Variants in VPS13B observed in about 807,000 individuals in gnomAD.
The protein encoded by VPS13B is vacuolar protein sorting 13 homolog B.
VPS13B carries 285 observed loss-of-function variants against 426.4 expected under a neutral mutation model. That is an observed-to-expected ratio of 0.67 (90% CI 0.61 to 0.74). The LOEUF (loss-of-function observed/expected upper bound fraction) is 0.74, where lower values mean the gene tolerates loss of function less well. Among genes scored for constraint, VPS13B ranks in the 30% least tolerant of loss-of-function variants. The pLI is 0.00. For missense variants in VPS13B, 4,537 were observed against 4,782.6 expected, an observed-to-expected ratio of 0.95 and a Z score of 1.51; for synonymous variants, 1,676 against 1,676.4, an observed-to-expected ratio of 1.00 and a Z score of 0.01.
intron 36 of VPS13B, among the ~76,000 whole-genome samples, chr8:99,706,450 A>G (rs1373872986): frequency 6.6e-6 from 1 of 152,178 alleles, no homozygotes; most frequent in African/African-American, 2.4e-5. Flanking sequence ...CAAAGGAATT[A>G]ATTGTGTAAA....
intron 2 of VPS13B, among the ~76,000 whole-genome samples, chr8:99,029,898 A>C (rs1444786760): frequency 6.6e-6 from 1 of 151,958 alleles, no homozygotes; most frequent in Non-Finnish European, 1.5e-5. Context: ...CTATTTTTAA[A>C]ATTCTCTTTG....
chr8:99,080,629 G>A (rs13275250), intron 3 of VPS13B, among the ~76,000 whole-genome samples: 94,796 of 151,944 alleles, frequency 0.62, 30,571 homozygotes, highest in South Asian at 0.76. Context: ...ATGTGGGGTG[G>A]AGGTAATTTC....
chr8:99,425,833 T>G lies in VPS13B; in HGVS notation c.3083-5704T>G, dbSNP rs566304245. On this transcript the variant is annotated intron_variant, in intron 21 of 61. Coordinates refer to ENST00000357162, the MANE Select transcript of VPS13B (RefSeq NM_152564.5). ...ATCTCAGCCCAAAATCTCCTTAAGC[T>G]GATAGGCAACTTCAGCAAAGTCTCA... 3.3e-3 allele frequency among the ~76,000 whole-genome samples: 508 copies of G among 152,344 alleles called. 2 individuals are homozygous for G. Among genetic ancestry groups the G allele is most frequent in the Non-Finnish European group, 5.8e-3 (394 of 68,026 alleles).
At chr8:99,626,478 G>A (rs1456349142) in intron 33 of VPS13B, among the ~76,000 whole-genome samples, 1 of 152,134 alleles carries the variant, frequency 6.6e-6, no homozygotes, top group African/African-American at 2.4e-5. Flanking sequence ...CCTGCTAATG[G>A]GTATGGGGTT....
At chr8:99,482,267 T>A (rs1820080182) in intron 25 of VPS13B, among the ~76,000 whole-genome samples, 1 of 152,140 alleles carries the variant, frequency 6.6e-6, no homozygotes, top group African/African-American at 2.4e-5. Flanking sequence ...TTCTTTTTAT[T>A]TTTAACGTCC....
At chr8:99,800,304 G>C (rs1400282689) in intron 43 of VPS13B, among the ~76,000 whole-genome samples, 1 of 152,052 alleles carries the variant, frequency 6.6e-6, no homozygotes, top group Non-Finnish European at 1.5e-5. Flanking sequence ...CACAATTCTA[G>C]ACTTAAGGCA....
Position 99,717,776 on chromosome 8 carries a change from G to A in VPS13B, c.6657+403G>A, listed in dbSNP as rs963897322. On this transcript the variant is annotated intron_variant, in intron 37 of 61. Transcript: ENST00000357162. ...TAACATTTCGTATAAATAGAATCAT[G>A]TAACCTGTGGTCTTCTGTGACCGAC... Among the ~76,000 whole-genome samples the A allele has an allele frequency of 2.6e-5, 4 of 152,310 alleles. No individual in the cohort carries two copies. The East Asian group carries it at 7.7e-4, about 29-fold the overall frequency.
chr8:99,680,784 A>G (rs1219656646), intron 35 of VPS13B, among the ~76,000 whole-genome samples: 1 of 152,234 alleles, frequency 6.6e-6, no homozygotes, highest in East Asian at 1.9e-4. Flanking sequence ...AATAAAATTT[A>G]TAGTAACAGT....
chr8:99,014,076 G>T, intron 2 of VPS13B, 141 bp downstream of exon 2: 1 of 850,652 alleles, frequency 1.2e-6, no homozygotes, highest in Non-Finnish European at 1.8e-6. Context: ...AAACAAGGGG[G>T]CTTTATTTTA....
intron 3 of VPS13B, among the ~76,000 whole-genome samples, chr8:99,049,843 C>A (rs556461108): frequency 6.6e-6 from 1 of 151,890 alleles, no homozygotes; most frequent in East Asian, 1.9e-4. Context: ...TCCCAGACTT[C>A]TTGGAGGCTT....
intron 6 of VPS13B, among the ~76,000 whole-genome samples, chr8:99,113,026 C>T (rs1343260412): frequency 2.0e-5 from 3 of 150,472 alleles, no homozygotes; most frequent in Non-Finnish European, 4.4e-5. Context: ...TCTTTTTTCT[C>T]CCCTCCTCTC....
intron 19 of VPS13B, among the ~76,000 whole-genome samples, chr8:99,381,543 T>G (rs1813807138): frequency 6.6e-6 from 1 of 152,220 alleles, no homozygotes; most frequent in African/African-American, 2.4e-5. Context: ...GTATTGCCTT[T>G]TCACCACAAT....
chr8:99,754,930 A>C (rs1156916049), intron 39 of VPS13B, among the ~76,000 whole-genome samples: 1 of 152,190 alleles, frequency 6.6e-6, no homozygotes, highest in African/African-American at 2.4e-5. Context: ...TTGTATGTCA[A>C]AAATAATTAG....
At chr8:99,543,339 C>T (rs370762449) in intron 30 of VPS13B, among the ~76,000 whole-genome samples, 2 of 152,014 alleles carry the variant, frequency 1.3e-5, no homozygotes, top group Non-Finnish European at 2.9e-5. Flanking sequence ...TTAAACGTTA[C>T]ACCTAAAACC....
intron 23 of VPS13B, among the ~76,000 whole-genome samples, chr8:99,463,426 C>T (rs1210651491): frequency 6.6e-6 from 1 of 152,108 alleles, no homozygotes; most frequent in African/African-American, 2.4e-5. Flanking sequence ...TCTCTTAATA[C>T]TATTATCATT....
chr8:99,185,038 C>T (rs1000979919), intron 16 of VPS13B, among the ~76,000 whole-genome samples: 8 of 152,108 alleles, frequency 5.3e-5, no homozygotes, highest in Non-Finnish European at 1.0e-4. Context: ...GAAAAAGATA[C>T]TCCGATACAC....
In VPS13B at chr8:99,183,484, CAATG is replaced by C. The variant is rs371356659; in HGVS notation, c.2334-9388_2334-9385del. 6.1e-3 allele frequency among the ~76,000 whole-genome samples: 927 copies of C among 152,226 alleles called. 12 individuals are homozygous for C. The highest frequency in any genetic ancestry group is 0.021 in the African/African-American group (882 of 41,554). ...TCTGCATGGCAGATGTTTGGATAAA[CAATG>C]AATATCTTTTGGTATGTTAGATATT... On this transcript the variant is annotated intron_variant, in intron 16 of 61. Transcript: ENST00000357162.
At chr8:99,565,653 C>G (rs1825141370) in intron 31 of VPS13B, among the ~76,000 whole-genome samples, 1 of 152,032 alleles carries the variant, frequency 6.6e-6, no homozygotes, top group Non-Finnish European at 1.5e-5. Context: ...GCACAGGACC[C>G]CCAGCATAGT....
Position 99,321,733 on chromosome 8 carries a change from G to T in VPS13B, c.2824+46479G>T, listed in dbSNP as rs79868515. ...TAACATTTGTAATTTTACTTTACTT[G>T]CACATAACATTATTTTTGCTTAGTA... On this transcript the variant is annotated intron_variant, in intron 19 of 61. Coordinates refer to ENST00000357162, the MANE Select transcript of VPS13B (RefSeq NM_152564.5). Among the ~76,000 whole-genome samples the T allele has an allele frequency of 4.2e-3, 635 of 152,202 alleles. 9 individuals are homozygous for T. Among genetic ancestry groups the T allele is most frequent in the African/African-American group, 0.015 (609 of 41,536 alleles).
Sources: gnomAD v4.1 joint callset for allele counts (sites outside exome capture counted in the v4.1 genomes callset) on GRCh38, gnomAD v4.1.1 for gene constraint, MANE v1.5 for transcripts, NCBI Gene and HGNC (gene_info 2026-07-23, HGNC 2026-07-21) for gene names.